Variants in PTPRS observed in about 807,000 individuals in gnomAD.
PTPRS encodes protein tyrosine phosphatase receptor type S, also known as receptor-type tyrosine-protein phosphatase S.
A neutral mutation model predicts 215.3 loss-of-function variants in PTPRS; 63 were observed. The observed-to-expected ratio is 0.29, with a 90% CI of 0.24 to 0.36. The LOEUF is 0.36. Among genes scored for constraint, PTPRS ranks in the 10% least tolerant of loss-of-function variants. The pLI, the probability that PTPRS is intolerant of heterozygous loss-of-function variation, is 1.00. For missense variants in PTPRS, 2,258 were observed against 2,825.8 expected (o/e 0.80, Z 4.56); for synonymous variants, 1,404 against 1,191.4 (o/e 1.18, Z -3.68).
chr19:5,297,588 TTAAA>T (rs1468903446), intron 1 of PTPRS, among the ~76,000 whole-genome samples: 6 of 152,030 alleles, frequency 3.9e-5, no homozygotes, highest in Non-Finnish European at 8.8e-5. Flanking sequence ...CCAAAAATAA[TTAAA>T]TAAACCACAC....
chr19:5,258,168 G>A (rs185196909), intron 7 of PTPRS, 41 bp from the exon 8 acceptor site: 4 of 1,529,742 alleles, frequency 2.6e-6, no homozygotes, highest in South Asian at 2.2e-5. Flanking sequence ...TTAGAGGGGG[G>A]CCCAGGAGTG....
rs561705497 is a variant in PTPRS, at chr19:5,223,038, G to T, written c.2754C>A (p.Ala918=). The T allele has an allele frequency of 3.2e-6, 5 of 1,547,428 alleles. No homozygotes were observed. The highest frequency in any genetic ancestry group is 2.4e-5 in the East Asian group (1 of 41,202). ...TGTCCTCCGGGATGCTCAGGACCTC[G>T]GCTGCCTCCTCGCCCAGGCCGCCGC... ...RSRGGLGEEA[A]EVLSIPEDTP... is the part of the protein sequence containing the mutation. The change falls in exon 18 of 38, where the codon GCC becomes GCA. Residue 918 remains alanine, a synonymous_variant. Coordinates refer to ENST00000262963, the MANE Select transcript of PTPRS (RefSeq NM_002850.4).
Position 5,281,011 on chromosome 19 carries a change from C to G in PTPRS, c.91+5039G>C, listed in dbSNP as rs938171790. 8.6e-5 allele frequency among the ~76,000 whole-genome samples: 13 copies of G among 151,788 alleles called. No homozygotes were observed. In the East Asian group the frequency reaches 2.4e-3, roughly 28 times the overall value. On this transcript the variant is annotated intron_variant, in intron 2 of 37. Transcript: ENST00000262963. The stretch of plus-strand genomic sequence containing the variant: ...TTCAGCATGTTGGCCAGGCTGGTCG[C>G]GAACTCCTGACCTCAAATGATCCAC...
chr19:5,267,593 G>C (rs1334729272), intron 4 of PTPRS, among the ~76,000 whole-genome samples: 3 of 151,350 alleles, frequency 2.0e-5, no homozygotes, highest in Admixed American at 6.6e-5. Context: ...GGAGGTGGAG[G>C]TTGCAGTGAG....
chr19:5,272,804 C>A (rs2047035935), intron 4 of PTPRS, among the ~76,000 whole-genome samples: 1 of 151,992 alleles, frequency 6.6e-6, no homozygotes, highest in Non-Finnish European at 1.5e-5. Flanking sequence ...ATCCTCCCAC[C>A]TCAGCCTCCC....
intron 8 of PTPRS, among the ~76,000 whole-genome samples, chr19:5,256,758 C>G (rs896407165): frequency 6.6e-6 from 1 of 152,166 alleles, no homozygotes; most frequent in Non-Finnish European, 1.5e-5. Flanking sequence ...TCCCCTCCCC[C>G]TCCATGCGAC....
chr19:5,229,666 C>T lies in PTPRS; in HGVS notation c.2174G>A (p.Arg725Gln), dbSNP rs2042848109. 7.9e-7 allele frequency: 1 copy of T among 1,267,948 alleles called. No individual in the cohort carries two copies. Among genetic ancestry groups the T allele is most frequent in the Non-Finnish European group, 9.9e-7 (1 of 1,010,810 alleles). The allele number at this position is 1,267,948 out of a possible 1,614,324, so 78.5% of individuals were successfully genotyped here. A position where few individuals can be genotyped will look rare whatever the true frequency, so the allele number is the denominator to read the frequency against. ...TDEDVPSAPP[R>Q]KVEAEALNAT... ...GTTGAGCGCCTCCGCCTCCACCTTC[C>T]GCGGCGGCGCGCTGGGCACTGGCGG... Residue 725 changes from arginine (R) to glutamine (Q), a missense_variant, in exon 15 of 38, where the codon CGG (arginine) becomes CAG (glutamine). Coordinates refer to ENST00000262963, the MANE Select transcript of PTPRS (RefSeq NM_002850.4).
intron 1 of PTPRS, among the ~76,000 whole-genome samples, chr19:5,304,949 G>C (rs773976512): frequency 3.5e-4 from 51 of 144,388 alleles, no homozygotes; most frequent in Non-Finnish European, 6.5e-4. Flanking sequence ...ATGGGGGGCT[G>C]GTGAGGGGGG....
At chr19:5,277,465 C>T (rs1410534871) in intron 2 of PTPRS, among the ~76,000 whole-genome samples, 1 of 151,864 alleles carries the variant, frequency 6.6e-6, no homozygotes, top group African/African-American at 2.4e-5. Flanking sequence ...ACCATCCTGG[C>T]TAACATGGTG....
At chr19:5,337,264 C>T (rs1156883684) in intron 1 of PTPRS, among the ~76,000 whole-genome samples, 1 of 152,216 alleles carries the variant, frequency 6.6e-6, no homozygotes, top group African/African-American at 2.4e-5. Context: ...CCCTCCCGCT[C>T]GCCCCCATCC....
chr19:5,321,327 C>T (rs1417897416), intron 1 of PTPRS, among the ~76,000 whole-genome samples: 1 of 152,170 alleles, frequency 6.6e-6, no homozygotes, highest in Non-Finnish European at 1.5e-5. Context: ...TGAGTCACGT[C>T]TACGGAGCAT....
intron 4 of PTPRS, among the ~76,000 whole-genome samples, chr19:5,270,270 T>A (rs1411310074): frequency 6.6e-6 from 1 of 151,794 alleles, no homozygotes; most frequent in African/African-American, 2.4e-5. Flanking sequence ...AATAGCGAGC[T>A]TTTATCTTTT....
chr19:5,218,384 T>G, intron 25 of PTPRS, 36 bp downstream of exon 25: 1 of 1,549,992 alleles, frequency 6.5e-7, no homozygotes, highest in Non-Finnish European at 8.8e-7. Context: ...ATCTCCCCTG[T>G]TGGTGGCATC....
intron 1 of PTPRS, among the ~76,000 whole-genome samples, chr19:5,329,117 C>T (rs1469717515): frequency 6.6e-6 from 1 of 151,818 alleles, no homozygotes; most frequent in Non-Finnish European, 1.5e-5. Context: ...GAGGCAATGG[C>T]GGGGTAGGGG....
intron 17 of PTPRS, among the ~76,000 whole-genome samples, chr19:5,224,150 G>GC (rs981077433): frequency 6.8e-6 from 1 of 147,856 alleles, no homozygotes; most frequent in African/African-American, 2.5e-5. Flanking sequence ...CTGCACTCCA[G>GC]CCCGGGCAAC....
At position 5,229,309 on chromosome 19, in the gene PTPRS, T is replaced by C. The variant is rs748292078; in HGVS notation, c.2376+7A>G. 1.0e-5 allele frequency: 14 copies of C among 1,379,650 alleles called. No individual in the cohort carries two copies. The highest frequency in any genetic ancestry group is 9.4e-6 in the Non-Finnish European group (10 of 1,061,782). The allele number at this position is 1,379,650 out of a possible 1,614,324, so 85.5% of individuals were successfully genotyped here. ...GCAGTAGGTGGGTGGCCAGGGGCGC[T>C]ACTTACATATTCGGCCGTGTCATCC... On this transcript the variant is annotated splice_region_variant and intron_variant, in intron 16 of 37. Coordinates refer to ENST00000262963, the MANE Select transcript of PTPRS (RefSeq NM_002850.4).
At chr19:5,322,426 A>G (rs967960142) in intron 1 of PTPRS, among the ~76,000 whole-genome samples, 8 of 152,104 alleles carry the variant, frequency 5.3e-5, no homozygotes, top group African/African-American at 1.9e-4. Flanking sequence ...TAAAGGGGCT[A>G]TTTCTGGAGG....
At chr19:5,258,191 TC>T in intron 7 of PTPRS, 64 bp from the exon 8 acceptor site, 1 of 1,375,856 alleles carries the variant, frequency 7.3e-7, no homozygotes, top group Non-Finnish European at 1.0e-6. Flanking sequence ...CAGGGAAAGC[TC>T]CCCCACCAGA....
intron 13 of PTPRS, among the ~76,000 whole-genome samples, chr19:5,233,815 G>A (rs937937076): frequency 6.6e-6 from 1 of 151,182 alleles, no homozygotes; most frequent in Admixed American, 6.6e-5. Context: ...GCATGGTGGC[G>A]GGAGCCTGTA....
Sources: gnomAD v4.1 joint callset for allele counts (sites outside exome capture counted in the v4.1 genomes callset) on GRCh38, gnomAD v4.1.1 for gene constraint, MANE v1.5 for transcripts, NCBI Gene and HGNC (gene_info 2026-07-23, HGNC 2026-07-21) for gene names.